Variants in DOCK8 observed in about 807,000 individuals in gnomAD.
The protein encoded by DOCK8 is dedicator of cytokinesis 8.
DOCK8 carries 141 observed loss-of-function variants against 245.6 expected under a neutral mutation model. That is an observed-to-expected ratio of 0.57 (90% CI 0.50 to 0.66). DOCK8 has a LOEUF of 0.66. Ranked by LOEUF, DOCK8 falls within the 30% of genes least tolerant of loss-of-function variation. The pLI, the probability that DOCK8 is intolerant of heterozygous loss-of-function variation, is 0.00. For synonymous variants in DOCK8, 1,168 were observed against 970.2 expected (o/e 1.20, Z -3.79); for missense variants, 2,965 against 2,603.4 (o/e 1.14, Z -3.02).
intron 17 of DOCK8, among the ~76,000 whole-genome samples, chr9:371,850 A>G (rs1423572665): frequency 6.6e-6 from 1 of 152,242 alleles, no homozygotes; most frequent in Non-Finnish European, 1.5e-5. Context: ...TGCTTCACGT[A>G]TAGAACTAGC....
chr9:234,570 A>T (rs573609904), intron 1 of DOCK8, among the ~76,000 whole-genome samples: 1 of 152,248 alleles, frequency 6.6e-6, no homozygotes, highest in East Asian at 1.9e-4. Context: ...ACATAGTCCC[A>T]TATTTCTTGG....
intron 25 of DOCK8, 41 bp from the exon 26 acceptor site, chr9:399,105 A>G (rs370646076): frequency 1.9e-6 from 3 of 1,578,394 alleles, no homozygotes; most frequent in African/African-American, 2.7e-5. Flanking sequence ...TCAAATCCAG[A>G]GTGTCCCACA....
chr9:383,392 C>T (rs1162181779), intron 22 of DOCK8, among the ~76,000 whole-genome samples: 6 of 152,132 alleles, frequency 3.9e-5, no homozygotes, highest in Admixed American at 2.0e-4. Context: ...ATTAGCCAGG[C>T]GTGGTGGCAC....
rs59529982 is a variant in DOCK8 at position 216,537 on chromosome 9, C to CAAAAAAAAAAAAAAAA, written c.53+1511_53+1526dup. Among the ~76,000 whole-genome samples, 33 of 88,916 alleles carry CAAAAAAAAAAAAAAAA rather than the reference C, an allele frequency of 3.7e-4. 1 individual carries two copies. Among genetic ancestry groups the CAAAAAAAAAAAAAAAA allele is most frequent in the South Asian group, 1.3e-3 (3 of 2,318 alleles). 58.3% of individuals were successfully genotyped at this position (88,916 alleles called of 152,430 possible). ...GTGAAACCTTGTCTCAAAAAACAGA[C>CAAAAAAAAAAAAAAAA]AAAAAAAAAAAAAAAAAAGCAAAAA... On this transcript the variant is annotated intron_variant, in intron 1 of 47. Transcript: ENST00000432829.
intron 4 of DOCK8, among the ~76,000 whole-genome samples, chr9:293,061 T>G (rs1171518443): frequency 6.6e-6 from 1 of 152,216 alleles, no homozygotes. Context: ...GGGATGGGAT[T>G]ACCATTGGCC....
intron 1 of DOCK8, among the ~76,000 whole-genome samples, chr9:241,081 T>G (rs2047364220): frequency 1.3e-5 from 2 of 152,162 alleles, no homozygotes; most frequent in Admixed American, 1.3e-4. Context: ...TAGCAAATTG[T>G]TTTTTGATTT....
chr9:422,284 C>T lies in DOCK8; in HGVS notation c.4241+149C>T, dbSNP rs1453029839. 5 of 767,204 alleles carry T rather than the reference C, an allele frequency of 6.5e-6. No homozygotes were observed. The Admixed American group carries it at 1.0e-4, about 16-fold the overall frequency. 47.5% of individuals were successfully genotyped at this position (767,204 alleles called of 1,614,324 possible). A position where few individuals can be genotyped will look rare whatever the true frequency, so the allele number is the denominator to read the frequency against. ...TGTAAATACAATTCATCCAGGGACC[C>T]AGGATAATCAAAGGTATAGGGAGTT... On this transcript the variant is annotated intron_variant, in intron 33 of 47. Coordinates refer to ENST00000432829, the MANE Select transcript of DOCK8 (RefSeq NM_203447.4).
intron 14 of DOCK8, among the ~76,000 whole-genome samples, chr9:359,989 C>A (rs10217287): frequency 0.044 from 6,664 of 152,070 alleles, 348 homozygotes; most frequent in African/African-American, 0.13. Context: ...AGTTTACTAT[C>A]AAAACAACAC....
At chr9:365,453 G>T (rs1439671198) in intron 14 of DOCK8, 1 of 394,978 alleles carries the variant, frequency 2.5e-6, no homozygotes, top group Non-Finnish European at 4.9e-6. Context: ...ACTTGATAAG[G>T]TACAGAAGTA....
In DOCK8 at chr9:312,120, C is replaced by T. The variant is rs2050146745; in HGVS notation, c.695C>T (p.Thr232Ile). 1.9e-6 allele frequency: 3 copies of T among 1,614,220 alleles called. No homozygotes were observed. Among genetic ancestry groups the T allele is most frequent in the African/African-American group, 2.7e-5 (2 of 75,050 alleles). ...AAGCAGAACGAGGAGGCCCGGAGGACCAATAGGCAGGCCGAGCTCTTTGCC... is the reference window on the plus strand; with the variant it reads ...AAGCAGAACGAGGAGGCCCGGAGGATCAATAGGCAGGCCGAGCTCTTTGCC... ...FEKQNEEARRTNRQAELFALY... is the reference protein window; with the variant it reads ...FEKQNEEARRINRQAELFALY... The change falls in exon 6 of 48, where the codon ACC becomes ATC. Residue 232 changes from threonine to isoleucine, a missense_variant. Around this residue, in one of 3 missense-constraint regions of DOCK8, gnomAD observed 2,825 missense variants for 2,453.5 expected, o/e 1.15. Transcript: ENST00000432829.
chr9:330,390 C>G (rs1236604680), intron 9 of DOCK8, among the ~76,000 whole-genome samples: 1 of 152,130 alleles, frequency 6.6e-6, no homozygotes, highest in Non-Finnish European at 1.5e-5. Context: ...GAGAGCCTAG[C>G]ACTTTAGAAG....
chr9:405,083 G>A lies in DOCK8; in HGVS notation c.3390+10G>A. 12 of 1,609,324 alleles carry A rather than the reference G, an allele frequency of 7.5e-6. No homozygotes were observed. Among genetic ancestry groups the A allele is most frequent in the Non-Finnish European group, 9.3e-6 (11 of 1,176,550 alleles). The stretch of plus-strand genomic sequence containing the variant: ...TTCCATATCTTCCCAGGTAATAAAA[G>A]AATTATTTAACTAAAAGAATTATTC... On this transcript the variant is annotated intron_variant, in intron 27 of 47. Coordinates refer to ENST00000432829, the MANE Select transcript of DOCK8 (RefSeq NM_203447.4).
intron 30 of DOCK8, 26 bp from the exon 31 acceptor site, chr9:420,375 C>G (rs370369936): frequency 3.1e-6 from 5 of 1,613,788 alleles, no homozygotes; most frequent in South Asian, 2.2e-5. Flanking sequence ...TCCCTGGCCT[C>G]CATCCCCCAA....
At chr9:322,495 G>A (rs2050553385) in intron 7 of DOCK8, among the ~76,000 whole-genome samples, 2 of 150,740 alleles carry the variant, frequency 1.3e-5, no homozygotes, top group Admixed American at 1.3e-4. Flanking sequence ...TAACTGTGTA[G>A]ACTTTGGCAA....
chr9:375,689 C>A (rs191855717), intron 18 of DOCK8, among the ~76,000 whole-genome samples: 1 of 152,068 alleles, frequency 6.6e-6, no homozygotes, highest in African/African-American at 2.4e-5. Flanking sequence ...TTAGTTGAGT[C>A]GTCTAAGTAA....
At chr9:395,894 A>G (rs1330928425) in intron 24 of DOCK8, among the ~76,000 whole-genome samples, 1 of 152,212 alleles carries the variant, frequency 6.6e-6, no homozygotes, top group Non-Finnish European at 1.5e-5. Flanking sequence ...ATGTATGTAT[A>G]TCCATATAGA....
intron 4 of DOCK8, among the ~76,000 whole-genome samples, chr9:301,567 G>T (rs944886434): frequency 6.6e-6 from 1 of 152,204 alleles, no homozygotes; most frequent in Admixed American, 6.5e-5. Context: ...CTCTGTCACA[G>T]TGCAGGCAAT....
At chr9:446,638 A>T in intron 44 of DOCK8, 32 bp downstream of exon 44, 1 of 1,606,458 alleles carries the variant, frequency 6.2e-7, no homozygotes. Context: ...CCACCACTGG[A>T]TGAGTGGGCT....
chr9:307,201 A>G (rs1351837894), intron 5 of DOCK8, among the ~76,000 whole-genome samples: 1 of 152,206 alleles, frequency 6.6e-6, no homozygotes, highest in Non-Finnish European at 1.5e-5. Context: ...CTGACCTAGC[A>G]TCAAAGAACA....
Sources: allele counts gnomAD v4.1 joint callset (sites outside exome capture counted in the v4.1 genomes callset), GRCh38; gene constraint gnomAD v4.1.1; regional missense constraint gnomAD v4.1.1; transcripts MANE v1.5; gene names NCBI Gene and HGNC (gene_info 2026-07-23, HGNC 2026-07-21).